Variants in FGGY observed in about 807,000 individuals in gnomAD.
The protein encoded by FGGY is FGGY carbohydrate kinase domain-containing protein.
A neutral mutation model predicts 71.3 loss-of-function variants in FGGY; 72 were observed. The ratio of observed to expected loss-of-function variants is 1.01; its 90% CI spans 0.84 to 1.23. The LOEUF (loss-of-function observed/expected upper bound fraction) is 1.23, where lower values mean the gene tolerates loss of function less well. Ranked by LOEUF, FGGY falls within the 50% of genes most tolerant of loss-of-function variation. The pLI, the probability that FGGY is intolerant of heterozygous loss-of-function variation, is 0.00. For synonymous variants in FGGY, 251 were observed against 250.3 expected, an observed-to-expected ratio of 1.00 and a Z score of -0.02; for missense variants, 668 against 682.3, an observed-to-expected ratio of 0.98 and a Z score of 0.23.
At chr1:59,490,772 A>G (rs1448122361) in intron 6 of FGGY, among the ~76,000 whole-genome samples, 3 of 152,044 alleles carry the variant, frequency 2.0e-5, no homozygotes, top group African/African-American at 7.2e-5. Flanking sequence ...TTTATTGACA[A>G]GACTGTCCTT....
intron 15 of FGGY, among the ~76,000 whole-genome samples, chr1:59,759,287 A>G (rs1182972715): frequency 6.6e-6 from 1 of 152,158 alleles, no homozygotes; most frequent in Non-Finnish European, 1.5e-5. Flanking sequence ...TCAGGCTGCT[A>G]ACCCTCCGAA....
intron 14 of FGGY, among the ~76,000 whole-genome samples, chr1:59,744,692 G>C (rs991977619): frequency 2.0e-5 from 3 of 152,142 alleles, no homozygotes; most frequent in African/African-American, 7.2e-5. Flanking sequence ...CAGATATCCT[G>C]GATCCTACCC....
intron 6 of FGGY, among the ~76,000 whole-genome samples, chr1:59,467,411 T>A (rs947135902): frequency 6.6e-6 from 1 of 152,032 alleles, no homozygotes; most frequent in Non-Finnish European, 1.5e-5. Flanking sequence ...GACAAGTTAA[T>A]GGGTGCAGCA....
intron 8 of FGGY, among the ~76,000 whole-genome samples, chr1:59,555,977 G>A (rs11207474): frequency 0.026 from 4,032 of 152,226 alleles, 186 homozygotes; most frequent in African/African-American, 0.093. Flanking sequence ...CTCCAGCCTG[G>A]GCAACAAGAG....
intron 6 of FGGY, among the ~76,000 whole-genome samples, chr1:59,497,914 C>CT (rs11411617): frequency 0.44 from 66,309 of 151,886 alleles, 14,729 homozygotes; most frequent in Middle Eastern, 0.52. Flanking sequence ...CTTCCAGGCC[C>CT]TTTTTTGCAC....
chr1:59,625,091 G>C (rs1009113563), intron 9 of FGGY, among the ~76,000 whole-genome samples: 3 of 152,054 alleles, frequency 2.0e-5, no homozygotes, highest in Non-Finnish European at 4.4e-5. Context: ...GCAGCCAAAA[G>C]ACCAAATCTT....
At chr1:59,403,041 T>C (rs1392792287) in intron 5 of FGGY, among the ~76,000 whole-genome samples, 1 of 152,118 alleles carries the variant, frequency 6.6e-6, no homozygotes, top group African/African-American at 2.4e-5. Context: ...CCTATTGTTT[T>C]GGGGCTTGCC....
intron 5 of FGGY, among the ~76,000 whole-genome samples, chr1:59,430,462 G>A (rs2067146222): frequency 2.0e-5 from 3 of 152,136 alleles, no homozygotes; most frequent in Admixed American, 2.0e-4. Context: ...TTTTGCAGGT[G>A]TCAGGTATGC....
At chr1:59,473,112 C>T (rs538298999) in intron 6 of FGGY, among the ~76,000 whole-genome samples, 27 of 152,264 alleles carry the variant, frequency 1.8e-4, no homozygotes, top group African/African-American at 6.5e-4. Context: ...ACTGTGGAAG[C>T]TTTGTTCTTT....
chr1:59,624,035 A>G (rs1160507827), intron 9 of FGGY, among the ~76,000 whole-genome samples: 1 of 152,148 alleles, frequency 6.6e-6, no homozygotes, highest in East Asian at 1.9e-4. Flanking sequence ...TGGATTGCAA[A>G]CTCAGGGGAT....
At chr1:59,589,443 G>T (rs2096382247) in intron 8 of FGGY, among the ~76,000 whole-genome samples, 1 of 152,110 alleles carries the variant, frequency 6.6e-6, no homozygotes, top group Admixed American at 6.5e-5. Flanking sequence ...GGACCTAATA[G>T]ACATCTACAG....
chr1:59,662,763 G>A (rs1168957528), intron 12 of FGGY, among the ~76,000 whole-genome samples: 2 of 152,098 alleles, frequency 1.3e-5, no homozygotes, highest in Non-Finnish European at 2.9e-5. Context: ...ACTATATATA[G>A]CCTAGGTATG....
intron 5 of FGGY, among the ~76,000 whole-genome samples, chr1:59,381,716 AG>A (rs1571356883): frequency 6.6e-6 from 1 of 151,590 alleles, no homozygotes; most frequent in East Asian, 1.9e-4. Context: ...TTTTCAAGGA[AG>A]CTGATTCAGC....
At chr1:59,339,213 A>G (rs1226511653) in intron 2 of FGGY, among the ~76,000 whole-genome samples, 1 of 152,202 alleles carries the variant, frequency 6.6e-6, no homozygotes, top group East Asian at 1.9e-4. Context: ...GTTATATACA[A>G]ATATTCCAAA....
chr1:59,527,996 C>G (rs779858484), intron 7 of FGGY, among the ~76,000 whole-genome samples: 1 of 152,062 alleles, frequency 6.6e-6, no homozygotes. Context: ...GGGTCCCCAC[C>G]ACCACAACTC....
rs114628405 is a variant in FGGY at position 59,442,082 on chromosome 1, A to G, written c.555-14879A>G. Among the ~76,000 whole-genome samples the G allele has an allele frequency of 3.1e-3, 474 of 152,282 alleles. 3 individuals carry two copies. Among genetic ancestry groups the G allele is most frequent in the African/African-American group, 0.01 (424 of 41,554 alleles). On this transcript the variant is annotated intron_variant, in intron 5 of 15. Coordinates refer to ENST00000303721, the MANE Select transcript of FGGY (RefSeq NM_018291.5). The stretch of plus-strand genomic sequence containing the variant: ...TGTATTTCACTCATGAAATTCACCA[A>G]TCATGCAGAGGGTATGTTTCTAGAG...
At chr1:59,357,152 G>A (rs529451944) in intron 4 of FGGY, among the ~76,000 whole-genome samples, 47 of 152,264 alleles carry the variant, frequency 3.1e-4, no homozygotes, top group African/African-American at 1.1e-3. Context: ...GAGGCTGATG[G>A]CTTGCCTTCA....
In FGGY at chr1:59,538,911, C is replaced by G. The variant is rs560176052; in HGVS notation, c.800-15213C>G. Among the ~76,000 whole-genome samples the G allele has an allele frequency of 1.8e-3, 279 of 151,668 alleles. 4 individuals are homozygous for G. The highest frequency in any genetic ancestry group is 0.014 in the South Asian group (65 of 4,792). ...CCTAATGCTAGATGAGGAGTTAGTA[C>G]GTGCAGCGCACCAACATGGCACGTA... On this transcript the variant is annotated intron_variant, in intron 7 of 15. Coordinates refer to ENST00000303721, the MANE Select transcript of FGGY (RefSeq NM_018291.5).
rs545861763 is a variant in FGGY at position 59,466,377 on chromosome 1, T to C, written c.670+9301T>C. On this transcript the variant is annotated intron_variant, in intron 6 of 15. Transcript: ENST00000303721. ...ATTCAAGATGGATTAAAGACTTAAA[T>C]GTTAGACCTAAAACCATAAAAACCC... Among the ~76,000 whole-genome samples the C allele has an allele frequency of 2.6e-5, 4 of 152,212 alleles. No individual in the cohort carries two copies. The East Asian group carries it at 7.7e-4, about 29-fold the overall frequency.
Sources: gnomAD v4.1 joint callset for allele counts (sites outside exome capture counted in the v4.1 genomes callset) on GRCh38, gnomAD v4.1.1 for gene constraint, MANE v1.5 for transcripts, NCBI Gene and HGNC (gene_info 2026-07-23, HGNC 2026-07-21) for gene names.